LUC7L3: variants seen among roughly 807,000 people sequenced by gnomAD.
LUC7L3 encodes the protein LUC7 like 3 pre-mRNA splicing factor.
In LUC7L3, 6 loss-of-function variants were observed where a neutral mutation model predicts 66.8. That is an observed-to-expected ratio of 0.09 (90% CI 0.05 to 0.18). The LOEUF is 0.18. LUC7L3 is among the 10% of genes least tolerant of loss of function. The pLI is 1.00. For missense variants in LUC7L3, 341 were observed against 531.1 expected (o/e 0.64, Z 3.52); for synonymous variants, 160 against 174.7 (o/e 0.92, Z 0.66).
At chr17:50,744,892 A>G in intron 7 of LUC7L3, 79 bp downstream of exon 7, 1 of 1,147,868 alleles carries the variant, frequency 8.7e-7, no homozygotes, top group Non-Finnish European at 1.2e-6. Flanking sequence ...GCTCACTGCC[A>G]CCTCCACCTC....
chr17:50,744,620 A>T, intron 6 of LUC7L3, 32 bp from the exon 7 acceptor site: 1 of 1,589,612 alleles, frequency 6.3e-7, no homozygotes, highest in South Asian at 1.1e-5. Context: ...TCTTCCTCAG[A>T]TGTTCTTAAA....
At chr17:50,727,052 G>C (rs574190488) in intron 1 of LUC7L3, among the ~76,000 whole-genome samples, 54 of 152,084 alleles carry the variant, frequency 3.6e-4, no homozygotes, top group Admixed American at 7.2e-4. Flanking sequence ...TCATGCCACC[G>C]CACTCCAGCC....
chr17:50,721,985 A>G (rs1242608439), intron 1 of LUC7L3: 2 of 151,882 alleles, frequency 1.3e-5, no homozygotes, highest in South Asian at 2.1e-4. Context: ...TTGCCGTGGC[A>G]TCTGTAAGTA....
intron 1 of LUC7L3, 80 bp downstream of exon 1, chr17:50,719,911 G>T (rs761365008): frequency 2.9e-5 from 39 of 1,329,462 alleles, no homozygotes; most frequent in Non-Finnish European, 4.0e-5. Flanking sequence ...TCCTGGCCGC[G>T]GCGCGATGTG....
chr17:50,746,037 A>T, intron 8 of LUC7L3, 34 bp downstream of exon 8: 1 of 1,549,508 alleles, frequency 6.5e-7, no homozygotes, highest in Non-Finnish European at 8.7e-7. Context: ...TGTCCAGCTC[A>T]TAATGGGTGT....
chr17:50,735,103 G>A (rs1320186538), intron 1 of LUC7L3, among the ~76,000 whole-genome samples: 4 of 152,012 alleles, frequency 2.6e-5, no homozygotes, highest in Non-Finnish European at 5.9e-5. Context: ...GGTGGCGCAT[G>A]CCTGTAATCC....
chr17:50,729,055 A>G (rs1357567097), intron 1 of LUC7L3, among the ~76,000 whole-genome samples: 2 of 152,228 alleles, frequency 1.3e-5, no homozygotes, highest in Non-Finnish European at 2.9e-5. Flanking sequence ...ACCATAGACT[A>G]GTTAATATAA....
intron 9 of LUC7L3, chr17:50,749,249 T>TAGTC: frequency 7.8e-7 from 1 of 1,288,716 alleles, no homozygotes; most frequent in South Asian, 1.2e-5. Flanking sequence ...GACTGACTAC[T>TAGTC]AGTCCTCTAC....
rs1970961463 is a variant in LUC7L3 at position 50,751,172 on chromosome 17, A to G, written c.*511A>G. On this transcript the variant is annotated 3_prime_UTR_variant, in exon 10 of 10. Coordinates refer to ENST00000505658, the MANE Select transcript of LUC7L3 (RefSeq NM_016424.5). The stretch of plus-strand genomic sequence containing the variant: ...GTATTTCTTTGTCAAGGATGTTTCT[A>G]GTTTTTTGCTTTATTGCCTTGCATT... The G allele has an allele frequency of 1.4e-6, 2 of 1,480,018 alleles. No individual in the cohort carries two copies. The highest frequency in any genetic ancestry group is 8.9e-7 in the Non-Finnish European group (1 of 1,117,416). 91.7% of individuals were successfully genotyped at this position (1,480,018 alleles called of 1,614,324 possible).
intron 9 of LUC7L3, among the ~76,000 whole-genome samples, chr17:50,747,231 TCTTTTTTTTTTTTTTTG>T (rs1003112244): frequency 2.3e-4 from 26 of 111,866 alleles, no homozygotes; most frequent in African/African-American, 1.2e-3. Context: ...TTTTTCTTTT[TCTTTTTTTTTTTTTTTG>T]GTGTGGCATC....
intron 1 of LUC7L3, among the ~76,000 whole-genome samples, chr17:50,732,829 G>A (rs527769972): frequency 1.8e-4 from 27 of 152,062 alleles, no homozygotes; most frequent in African/African-American, 5.8e-4. Flanking sequence ...CTCCACCTTT[G>A]AGGCTCAAGC....
rs1179564709 is a variant in LUC7L3, at chr17:50,755,073, C to T, written c.*4412C>T. The T allele has an allele frequency of 6.6e-6, 1 of 152,038 alleles. No individual in the cohort carries two copies. The highest frequency in any genetic ancestry group is 2.4e-5 in the African/African-American group (1 of 41,392). 9.4% of individuals were successfully genotyped at this position (152,038 alleles called of 1,614,324 possible). On this transcript the variant is annotated 3_prime_UTR_variant, in exon 10 of 10. Coordinates refer to ENST00000505658, the MANE Select transcript of LUC7L3 (RefSeq NM_016424.5). ...TATACAATTCTGTGGGATGGGACTT[C>T]ATGCAGGATTGGTTTTCAAGTTTGA... is the stretch of plus-strand genomic sequence containing the variant.
chr17:50,747,232 C>CTTTTTTTTTTTTTTTTTT (rs757254602), intron 9 of LUC7L3, among the ~76,000 whole-genome samples: 6 of 102,966 alleles, frequency 5.8e-5, no homozygotes, highest in Non-Finnish European at 9.1e-5. Flanking sequence ...TTTTCTTTTT[C>CTTTTTTTTTTTTTTTTTT]TTTTTTTTTT....
chr17:50,734,593 C>T (rs965985453), intron 1 of LUC7L3, among the ~76,000 whole-genome samples: 1 of 152,222 alleles, frequency 6.6e-6, no homozygotes, highest in African/African-American at 2.4e-5. Context: ...CTCAACTAAT[C>T]TTCCTGCCTT....
At chr17:50,733,859 T>C (rs534852164) in intron 1 of LUC7L3, among the ~76,000 whole-genome samples, 2 of 152,300 alleles carry the variant, frequency 1.3e-5, no homozygotes, top group East Asian at 3.9e-4. Flanking sequence ...AGGGTTAATA[T>C]AATTGAAAGG....
chr17:50,733,294 C>T (rs1218803963), intron 1 of LUC7L3, among the ~76,000 whole-genome samples: 3 of 149,620 alleles, frequency 2.0e-5, no homozygotes, highest in African/African-American at 5.0e-5. Flanking sequence ...CCCGGTGGTG[C>T]GATCTCTGCT....
intron 1 of LUC7L3, chr17:50,724,218 G>A (rs1969001532): frequency 1.6e-5 from 3 of 189,020 alleles, no homozygotes; most frequent in Non-Finnish European, 3.4e-5. Context: ...TAAAATACAA[G>A]GACTTTAAAA....
In LUC7L3 at chr17:50,740,365, A is replaced by C. The variant is rs752248434; in HGVS notation, c.206+20A>C. 2 of 1,604,832 alleles carry C rather than the reference A, an allele frequency of 1.2e-6. No individual in the cohort carries two copies. Among genetic ancestry groups the C allele is most frequent in the South Asian group, 2.2e-5 (2 of 88,958 alleles). On this transcript the variant is annotated intron_variant, in intron 3 of 9. Coordinates refer to ENST00000505658, the MANE Select transcript of LUC7L3 (RefSeq NM_016424.5). ...AAAACAGTAAGTTATTTTGCTTGTC[A>C]TTTCCACCCCCCCAGTTATTAGTTG...
chr17:50,748,323 CT>C (rs879609788), intron 9 of LUC7L3: 77 of 146,556 alleles, frequency 5.3e-4, no homozygotes, highest in Middle Eastern at 3.5e-3. Context: ...TTTAGTGAAA[CT>C]TTTTTTTTTT....
Sources: gnomAD v4.1 joint callset for allele counts (sites outside exome capture counted in the v4.1 genomes callset) on GRCh38, gnomAD v4.1.1 for gene constraint, MANE v1.5 for transcripts, NCBI Gene and HGNC (gene_info 2026-07-23, HGNC 2026-07-21) for gene names.